The following OLFM3 variants were observed in gnomAD, a reference collection of about 807,000 sequenced individuals.
OLFM3 encodes the protein olfactomedin 3.
A neutral mutation model predicts 48.6 loss-of-function variants in OLFM3; 20 were observed. That is an observed-to-expected ratio of 0.41 (90% CI 0.29 to 0.60). The LOEUF is 0.60. OLFM3 is among the 20% of genes least tolerant of loss of function. The pLI is 0.28. For synonymous variants in OLFM3, 222 were observed against 198.1 expected (o/e 1.12, Z -1.01); for missense variants, 437 against 544.3 (o/e 0.80, Z 1.96).
chr1:101,864,437 A>T lies in OLFM3; in HGVS notation c.70-27412T>A, dbSNP rs539918810. Among the ~76,000 whole-genome samples, 7 of 152,292 alleles carry T rather than the reference A, an allele frequency of 4.6e-5. No homozygotes were observed. The East Asian group carries it at 9.6e-4, about 21-fold the overall frequency. Reference sequence around the variant, plus strand: ...TCCTTACATCCATTTTTGTCAAGTAATCTTCAACTTGAAAGTTAAGACCCT... The same window carrying T: ...TCCTTACATCCATTTTTGTCAAGTATTCTTCAACTTGAAAGTTAAGACCCT... On this transcript the variant is annotated intron_variant, in intron 1 of 5. Coordinates refer to ENST00000370103, the MANE Select transcript of OLFM3 (RefSeq NM_058170.4).
intron 1 of OLFM3, among the ~76,000 whole-genome samples, chr1:101,842,770 G>A (rs1381185783): frequency 6.6e-6 from 1 of 152,204 alleles, no homozygotes; most frequent in Non-Finnish European, 1.5e-5. Flanking sequence ...CAGGGGGCAT[G>A]AGCCGAACTC....
In OLFM3 at chr1:101,861,376, T is replaced by A. The variant is rs1557706196; in HGVS notation, c.70-24351A>T. On this transcript the variant is annotated intron_variant, in intron 1 of 5. Transcript: ENST00000370103. ...CGTGCCCGGAGATTTGATTATACTT[T>A]TGTCTGTCAGAAAGAAGATGTTCAG... Among the ~76,000 whole-genome samples, 2 of 152,246 alleles carry A rather than the reference T, an allele frequency of 1.3e-5. 1 individual carries two copies. The highest frequency in any genetic ancestry group is 2.9e-5 in the Non-Finnish European group (2 of 68,038).
chr1:101,931,099 A>G (rs186551800), intron 1 of OLFM3, among the ~76,000 whole-genome samples: 83 of 152,320 alleles, frequency 5.4e-4, no homozygotes, highest in African/African-American at 1.8e-3. Context: ...TTCTAGTTTC[A>G]GGTTACTTTC....
intron 4 of OLFM3, among the ~76,000 whole-genome samples, chr1:101,809,176 A>C (rs1215553960): frequency 6.6e-6 from 1 of 151,726 alleles, no homozygotes; most frequent in African/African-American, 2.4e-5. Flanking sequence ...CAAAGAAATT[A>C]TACAGGAAAT....
At chr1:101,883,745 C>A (rs547750936) in intron 1 of OLFM3, among the ~76,000 whole-genome samples, 35 of 151,994 alleles carry the variant, frequency 2.3e-4, no homozygotes, top group African/African-American at 8.4e-4. Flanking sequence ...TACTTACATA[C>A]ATATAATTGC....
chr1:101,955,306 C>G (rs952013003), intron 1 of OLFM3, among the ~76,000 whole-genome samples: 1 of 151,908 alleles, frequency 6.6e-6, no homozygotes, highest in African/African-American at 2.4e-5. Context: ...CATTCTTATC[C>G]AAGGCACTAT....
chr1:101,831,666 C>T (rs1003749213), intron 2 of OLFM3, among the ~76,000 whole-genome samples: 13 of 152,286 alleles, frequency 8.5e-5, no homozygotes, highest in African/African-American at 2.9e-4. Context: ...AGATAGATCT[C>T]TATGCTGTTA....
chr1:101,825,502 T>C (rs1490047929), intron 3 of OLFM3, among the ~76,000 whole-genome samples: 1 of 152,208 alleles, frequency 6.6e-6, no homozygotes, highest in Non-Finnish European at 1.5e-5. Flanking sequence ...CTTATCATAA[T>C]TAGAAAAACT....
At chr1:101,832,605 G>A (rs1039044803) in intron 2 of OLFM3, among the ~76,000 whole-genome samples, 1 of 152,184 alleles carries the variant, frequency 6.6e-6, no homozygotes, top group Non-Finnish European at 1.5e-5. Context: ...GCTCCATGAG[G>A]TTAGAAGCTG....
intron 1 of OLFM3, among the ~76,000 whole-genome samples, chr1:101,872,999 TTA>T (rs1207763912): frequency 1.3e-5 from 2 of 151,978 alleles, no homozygotes; most frequent in African/African-American, 4.8e-5. Flanking sequence ...AGCTGAAAAT[TTA>T]TGTTTCAGTG....
intron 1 of OLFM3, among the ~76,000 whole-genome samples, chr1:101,866,589 G>A (rs1656865905): frequency 6.6e-6 from 1 of 151,920 alleles, no homozygotes; most frequent in Admixed American, 6.6e-5. Flanking sequence ...AAATAGCTAT[G>A]AAAGAACATA....
chr1:101,806,752 A>C (rs1273755668), intron 4 of OLFM3, among the ~76,000 whole-genome samples: 8 of 151,768 alleles, frequency 5.3e-5, no homozygotes, highest in Non-Finnish European at 7.4e-5. Context: ...AATGCCTTAT[A>C]CAGCTAACAG....
intron 1 of OLFM3, among the ~76,000 whole-genome samples, chr1:101,920,479 G>T (rs190592283): frequency 2.5e-4 from 38 of 152,282 alleles, no homozygotes; most frequent in Non-Finnish European, 4.9e-4. Flanking sequence ...TGTTAAATAG[G>T]TGAACATATT....
intron 1 of OLFM3, among the ~76,000 whole-genome samples, chr1:101,973,822 A>T (rs1270212433): frequency 1.3e-5 from 2 of 152,198 alleles, no homozygotes; most frequent in African/African-American, 4.8e-5. Flanking sequence ...AGACTGAAGG[A>T]TTTTATGTGG....
intron 4 of OLFM3, among the ~76,000 whole-genome samples, chr1:101,814,652 T>C (rs1195795273): frequency 6.6e-6 from 1 of 152,150 alleles, no homozygotes; most frequent in Non-Finnish European, 1.5e-5. Context: ...CTTAAAGTGG[T>C]TGGGGACATG....
rs761990679 is a variant in OLFM3 at position 101,806,155 on chromosome 1, C to T, written c.620G>A (p.Gly207Asp). ...TCCAGATGTCTTGACTGTAACTGGG[C>T]CTGTGATTTTCATCAGTTTGCCACA... Reference protein sequence around the residue: ...LTCGKLMKITGPVTVKTSGTR... With the variant: ...LTCGKLMKITDPVTVKTSGTR... The change falls in exon 5 of 6, where the codon GGC becomes GAC. Residue 207 changes from glycine (G) to aspartate (D), a missense_variant. Gly to Asp is a moderately conservative substitution (Grantham distance 94, BLOSUM62 -1). Transcript: ENST00000370103. 2.2e-5 allele frequency: 36 copies of T among 1,611,788 alleles called. No individual in the cohort carries two copies. Among genetic ancestry groups the T allele is most frequent in the Non-Finnish European group, 3.0e-5 (35 of 1,178,612 alleles).
At chr1:101,930,340 A>G (rs2101047534) in intron 1 of OLFM3, among the ~76,000 whole-genome samples, 2 of 152,312 alleles carry the variant, frequency 1.3e-5, no homozygotes, top group South Asian at 4.1e-4. Context: ...AAAGCACAAA[A>G]TACTCTGTGA....
intron 1 of OLFM3, among the ~76,000 whole-genome samples, chr1:101,954,799 T>C (rs1199844515): frequency 6.6e-6 from 1 of 152,116 alleles, no homozygotes; most frequent in African/African-American, 2.4e-5. Context: ...TTTAATTGGC[T>C]ATTGTGCTAA....
chr1:101,899,353 G>A (rs1658314858), intron 1 of OLFM3, among the ~76,000 whole-genome samples: 1 of 152,082 alleles, frequency 6.6e-6, no homozygotes, highest in Non-Finnish European at 1.5e-5. Flanking sequence ...TTCCCTCCTG[G>A]CAAACAAAAG....
Sources: allele counts gnomAD v4.1 joint callset (sites outside exome capture counted in the v4.1 genomes callset), GRCh38; gene constraint gnomAD v4.1.1; transcripts MANE v1.5; gene names NCBI Gene and HGNC (gene_info 2026-07-23, HGNC 2026-07-21).